FGF14: variants seen among roughly 807,000 people sequenced by gnomAD.
The protein encoded by FGF14 is fibroblast growth factor homologous factor 4.
FGF14 carries 5 observed loss-of-function variants against 25.5 expected under a neutral mutation model. The observed-to-expected ratio is 0.20, with a 90% CI of 0.10 to 0.41. The LOEUF (loss-of-function observed/expected upper bound fraction) is 0.41, where lower values mean the gene tolerates loss of function less well. Among genes scored for constraint, FGF14 ranks in the 10% least tolerant of loss-of-function variants. The pLI, the probability that FGF14 is intolerant of heterozygous loss-of-function variation, is 1.00. For synonymous variants in FGF14, 138 were observed against 118.3 expected, an observed-to-expected ratio of 1.17 and a Z score of -1.08; for missense variants, 222 against 320.1, an observed-to-expected ratio of 0.69 and a Z score of 2.34.
At chr13:102,262,144 A>G (rs2052749442) in intron 1 of FGF14, among the ~76,000 whole-genome samples, 1 of 152,208 alleles carries the variant, frequency 6.6e-6, no homozygotes, top group East Asian at 1.9e-4. Flanking sequence ...TCATGGATAC[A>G]GCAAGAAATA....
chr13:101,963,220 T>G (rs185329000), intron 1 of FGF14, among the ~76,000 whole-genome samples: 2 of 152,262 alleles, frequency 1.3e-5, no homozygotes, highest in African/African-American at 4.8e-5. Context: ...CATCTGACGA[T>G]TGCTTCGTGT....
chr13:102,113,727 C>T (rs377272509), intron 1 of FGF14, among the ~76,000 whole-genome samples: 17 of 152,180 alleles, frequency 1.1e-4, no homozygotes, highest in African/African-American at 4.1e-4. Context: ...GGACATGACC[C>T]TTCCACCCCT....
At chr13:101,991,739 C>A (rs1566543174) in intron 1 of FGF14, among the ~76,000 whole-genome samples, 1 of 151,932 alleles carries the variant, frequency 6.6e-6, no homozygotes, top group Non-Finnish European at 1.5e-5. Flanking sequence ...AAGCTGTAAT[C>A]GGTGAATGAC....
At chr13:102,156,202 AC>A (rs1262542467) in intron 1 of FGF14, among the ~76,000 whole-genome samples, 2 of 152,198 alleles carry the variant, frequency 1.3e-5, no homozygotes, top group Non-Finnish European at 2.9e-5. Flanking sequence ...CAGAGACACA[AC>A]AAAAAAAAGA....
rs1396928618 is a variant in FGF14, at chr13:102,034,727, T to C, written c.209-159431A>G. Reference sequence around the variant, plus strand: ...ACTCAGCTCACCCTCCTCACCCTAGTCCTGGTCCTGCCCCTCACAGGGATG... The same window carrying C: ...ACTCAGCTCACCCTCCTCACCCTAGCCCTGGTCCTGCCCCTCACAGGGATG... On this transcript the variant is annotated intron_variant, in intron 1 of 4. Coordinates refer to the FGF14 transcript ENST00000376131. 2.0e-5 allele frequency among the ~76,000 whole-genome samples: 3 copies of C among 152,088 alleles called. No homozygotes were observed. In the East Asian group the frequency reaches 5.8e-4, roughly 29 times the overall value.
At chr13:102,117,317 C>G (rs971047470) in intron 1 of FGF14, among the ~76,000 whole-genome samples, 4 of 151,830 alleles carry the variant, frequency 2.6e-5, no homozygotes, top group Non-Finnish European at 4.4e-5. Context: ...AGTCTGCTCC[C>G]GTCCTGACTT....
At chr13:102,396,378 G>C (rs2058584409) in intron 1 of FGF14, among the ~76,000 whole-genome samples, 1 of 152,184 alleles carries the variant, frequency 6.6e-6, no homozygotes. Flanking sequence ...ACACTATTTT[G>C]AATAAATGCT....
In FGF14 at chr13:102,146,921, T is replaced by C. The variant is rs895085216; in HGVS notation, c.208+254550A>G. Among the ~76,000 whole-genome samples, 3 of 152,188 alleles carry C rather than the reference T, an allele frequency of 2.0e-5. No homozygotes were observed. In the East Asian group the frequency reaches 5.8e-4, roughly 29 times the overall value. Reference sequence around the variant, plus strand: ...AAAAGAATAAAGTCTGAAGTGCTGATAGAAACTTAGTGATCAATCCTTGGT... The same window carrying C: ...AAAAGAATAAAGTCTGAAGTGCTGACAGAAACTTAGTGATCAATCCTTGGT... On this transcript the variant is annotated intron_variant, in intron 1 of 4. Transcript: ENST00000376131.
At chr13:101,927,045 C>T (rs1448282907) in intron 1 of FGF14, among the ~76,000 whole-genome samples, 1 of 152,136 alleles carries the variant, frequency 6.6e-6, no homozygotes, top group Non-Finnish European at 1.5e-5. Context: ...AGCCCCGAGA[C>T]AAGCCCTGCT....
At chr13:102,249,965 G>A (rs1316214444) in intron 1 of FGF14, among the ~76,000 whole-genome samples, 1 of 152,104 alleles carries the variant, frequency 6.6e-6, no homozygotes, top group East Asian at 1.9e-4. Context: ...GGGGAGGCAT[G>A]AGTACTCCTC....
rs1363629346 is a variant in FGF14 at position 101,720,514 on chromosome 13, G to A, written c.*2317C>T. ...TAGGGCTAATTATCAGTAACAAATA[G>A]ATGGGGGTGTTTGCTCTGTGTGTGT... On this transcript the variant is annotated 3_prime_UTR_variant, in exon 5 of 5. Transcript: ENST00000376143. 1.4e-5 allele frequency: 2 copies of A among 148,048 alleles called. No individual in the cohort carries two copies. The highest frequency in any genetic ancestry group is 1.4e-4 in the Admixed American group (2 of 14,524). 9.2% of individuals were successfully genotyped at this position (148,048 alleles called of 1,614,324 possible).
chr13:102,259,575 C>T (rs1417334013), intron 1 of FGF14, among the ~76,000 whole-genome samples: 2 of 152,124 alleles, frequency 1.3e-5, no homozygotes, highest in East Asian at 3.9e-4. Flanking sequence ...ATTTGCTTAT[C>T]TCTGGATTTA....
At chr13:101,903,613 G>A (rs1303074668) in intron 1 of FGF14, among the ~76,000 whole-genome samples, 3 of 152,052 alleles carry the variant, frequency 2.0e-5, no homozygotes, top group Non-Finnish European at 4.4e-5. Context: ...CCTAAATATA[G>A]AGCAGGGTGA....
intron 1 of FGF14, among the ~76,000 whole-genome samples, chr13:102,152,238 C>A (rs1355254246): frequency 2.0e-5 from 3 of 152,198 alleles, no homozygotes; most frequent in African/African-American, 7.2e-5. Context: ...CTTGGTAAAG[C>A]TCCTAAACAT....
At chr13:101,887,345 TACACACAC>T (rs888418186) in intron 1 of FGF14, among the ~76,000 whole-genome samples, 1 of 150,022 alleles carries the variant, frequency 6.7e-6, no homozygotes, top group African/African-American at 2.5e-5. Context: ...TATATATATA[TACACACAC>T]ACACACATAC....
intron 1 of FGF14, among the ~76,000 whole-genome samples, chr13:102,234,695 A>T (rs2051249259): frequency 1.3e-5 from 2 of 152,200 alleles, no homozygotes; most frequent in African/African-American, 4.8e-5. Context: ...CAAGTTCTGT[A>T]CATACTTCAT....
intron 1 of FGF14, among the ~76,000 whole-genome samples, chr13:102,076,298 G>T (rs149089607): frequency 6.6e-6 from 1 of 152,070 alleles, no homozygotes; most frequent in African/African-American, 2.4e-5. Context: ...CCTTTTCTAT[G>T]ATTAGATATG....
At chr13:101,808,418 T>C (rs1262013209) in intron 3 of FGF14, among the ~76,000 whole-genome samples, 1 of 152,144 alleles carries the variant, frequency 6.6e-6, no homozygotes, top group African/African-American at 2.4e-5. Context: ...TTAATTTCAA[T>C]CTAATACAAA....
chr13:102,326,099 T>C (rs922845174), intron 1 of FGF14, among the ~76,000 whole-genome samples: 1 of 152,192 alleles, frequency 6.6e-6, no homozygotes, highest in Non-Finnish European at 1.5e-5. Context: ...ACTATGAGTA[T>C]TGTTCAATTC....
Sources: gnomAD v4.1 joint callset for allele counts (sites outside exome capture counted in the v4.1 genomes callset) on GRCh38, gnomAD v4.1.1 for gene constraint, MANE v1.5 for transcripts, NCBI Gene and HGNC (gene_info 2026-07-23, HGNC 2026-07-21) for gene names.